The following MGST1 variants were observed in gnomAD, a reference collection of about 807,000 sequenced individuals.
MGST1 encodes the protein glutathione S-transferase 12.
MGST1 carries 5 observed loss-of-function variants against 8.9 expected under a neutral mutation model. The ratio of observed to expected loss-of-function variants is 0.56; its 90% CI spans 0.29 to 1.19. MGST1 has a LOEUF of 1.19. Ranked by LOEUF, MGST1 falls within the 50% of genes most tolerant of loss-of-function variation. The pLI is 0.08. For synonymous variants in MGST1, 54 were observed against 67.8 expected (o/e 0.80, Z 1.00); for missense variants, 182 against 187.4 (o/e 0.97, Z 0.17).
At chr12:16,381,860 T>G (rs1261326358), downstream of MGST1, among the ~76,000 whole-genome samples, 4 of 152,192 alleles carry the variant, frequency 2.6e-5, no homozygotes, top group Non-Finnish European at 4.4e-5. Flanking sequence ...TTCTCTAAAC[T>G]TCTCTTCTCG....
chr12:16,514,499 C>A, intron 4 of MGST1: 1 of 259,848 alleles, frequency 3.8e-6, no homozygotes, highest in South Asian at 4.4e-5. Flanking sequence ...GGCCACACAT[C>A]ACTGCCCAAA....
Position 16,522,586 on chromosome 12 carries a change from C to T in MGST1, n.483-66942C>T, listed in dbSNP as rs182926302. On this transcript the variant is annotated intron_variant and non_coding_transcript_variant, in intron 4 of 4. Transcript: ENST00000538857. ...CAGCTTCATCTATTCTTCCTTGTTTCCTGACTCCATGGCTTGATGAAGTGC... is the reference window on the plus strand; with the variant it reads ...CAGCTTCATCTATTCTTCCTTGTTTTCTGACTCCATGGCTTGATGAAGTGC... Among the ~76,000 whole-genome samples, 164 of 152,162 alleles carry T rather than the reference C, an allele frequency of 1.1e-3. 1 individual carries two copies. The Middle Eastern group carries it at 0.027, about 25-fold the overall frequency.
intron 4 of MGST1, among the ~76,000 whole-genome samples, chr12:16,526,103 A>G (rs1202933060): frequency 1.4e-5 from 2 of 145,836 alleles, no homozygotes; most frequent in Non-Finnish European, 3.0e-5. Flanking sequence ...TTGCCTGTTC[A>G]CTCTGATGGT....
intron 4 of MGST1, among the ~76,000 whole-genome samples, chr12:16,531,258 T>G (rs1941721352): frequency 6.6e-6 from 1 of 150,972 alleles, no homozygotes; most frequent in South Asian, 2.1e-4. Context: ...AAAACAAATT[T>G]AACACTGAAA....
chr12:16,444,722 C>T (rs1941066044), intron 4 of MGST1, among the ~76,000 whole-genome samples: 1 of 151,854 alleles, frequency 6.6e-6, no homozygotes, highest in Non-Finnish European at 1.5e-5. Flanking sequence ...TTCTGGACAA[C>T]CTGCTCATGC....
intron 4 of MGST1, among the ~76,000 whole-genome samples, chr12:16,455,648 G>A (rs1404688491): frequency 6.6e-6 from 1 of 151,834 alleles, no homozygotes; most frequent in East Asian, 1.9e-4. Flanking sequence ...ATCTATGCCT[G>A]AGCATGGATA....
intron 1 of MGST1, among the ~76,000 whole-genome samples, chr12:16,349,743 CTT>C (rs760899357): frequency 1.3e-4 from 16 of 127,372 alleles, no homozygotes; most frequent in Admixed American, 3.2e-4. Flanking sequence ...CCCAGAGCTT[CTT>C]TTTTTTTTTT....
chr12:16,551,435 C>A, intron 4 of MGST1: 1 of 678,708 alleles, frequency 1.5e-6, no homozygotes, highest in East Asian at 2.7e-5. Flanking sequence ...TTCCCTGAAT[C>A]TGAAAACCTG....
At chr12:16,483,889 A>G (rs970493382) in intron 4 of MGST1, among the ~76,000 whole-genome samples, 6 of 152,188 alleles carry the variant, frequency 3.9e-5, no homozygotes, top group African/African-American at 1.2e-4. Flanking sequence ...TACACATAAA[A>G]TGCACAGTAC....
rs1565472388 is a variant in MGST1, at chr12:16,544,265, A to AC, written n.483-45263_483-45262insC. ...ACACACACACACACACACACACACA[A>AC]AACATAACCTACTAGTCAATCTGCC... On this transcript the variant is annotated intron_variant and non_coding_transcript_variant, in intron 4 of 4. Transcript: ENST00000538857. The surrounding 1 kb of genome is among the most constrained non-coding windows in gnomAD (Gnocchi z 4.8). Among the ~76,000 whole-genome samples the AC allele has an allele frequency of 2.8e-5, 3 of 107,540 alleles. No individual in the cohort carries two copies. Among genetic ancestry groups the AC allele is most frequent in the African/African-American group, 4.3e-5 (1 of 23,236 alleles). 70.6% of individuals were successfully genotyped at this position (107,540 alleles called of 152,430 possible).
At chr12:16,378,201 T>G (rs910438340), downstream of MGST1, among the ~76,000 whole-genome samples, 5 of 152,196 alleles carry the variant, frequency 3.3e-5, no homozygotes, top group African/African-American at 1.2e-4. Context: ...TTTTTGTGTT[T>G]TAGACATGAA....
rs1445828133 is a variant in MGST1 at position 16,482,508 on chromosome 12, G to A, written n.482+98904G>A. On this transcript the variant is annotated intron_variant and non_coding_transcript_variant, in intron 4 of 4. Transcript: ENST00000538857. The surrounding 1 kb of genome is among the most constrained non-coding windows in gnomAD (Gnocchi z 4.2). ...TAGCCAGGCGCAGTGGCAGGCGCCT[G>A]TAATCCTAGCTACTCGGGAGGCCGA... Among the ~76,000 whole-genome samples the A allele has an allele frequency of 6.6e-6, 1 of 152,064 alleles. No homozygotes were observed. Among genetic ancestry groups the A allele is most frequent in the Non-Finnish European group, 1.5e-5 (1 of 67,994 alleles).
At chr12:16,399,431 C>G in intron 1 of MGST1, 1 of 1,535,260 alleles carries the variant, frequency 6.5e-7, no homozygotes, top group Non-Finnish European at 9.0e-7. Context: ...TTTCTTGGTC[C>G]GCTTTTCGGG....
At chr12:16,402,964 TA>T (rs1439787193) in intron 1 of MGST1, among the ~76,000 whole-genome samples, 1 of 146,916 alleles carries the variant, frequency 6.8e-6, no homozygotes, top group Admixed American at 6.9e-5. Flanking sequence ...TCTATATATT[TA>T]TTATTATTAA....
intron 1 of MGST1, among the ~76,000 whole-genome samples, chr12:16,390,455 C>T (rs1940541795): frequency 6.6e-6 from 1 of 152,158 alleles, no homozygotes; most frequent in South Asian, 2.1e-4. Context: ...TGCCACCCTC[C>T]ACCCTCAAGT....
intron 1 of MGST1, among the ~76,000 whole-genome samples, chr12:16,426,534 A>G (rs1005246569): frequency 6.6e-6 from 1 of 152,208 alleles, no homozygotes; most frequent in African/African-American, 2.4e-5. Flanking sequence ...CATCCAATAA[A>G]TATTTACTGA....
intron 1 of MGST1, among the ~76,000 whole-genome samples, chr12:16,424,050 ATG>A (rs1203614482): frequency 6.6e-6 from 1 of 152,216 alleles, no homozygotes; most frequent in Non-Finnish European, 1.5e-5. Context: ...TTTTATGGCT[ATG>A]TGTCTTTCTC....
intron 1 of MGST1, among the ~76,000 whole-genome samples, chr12:16,419,281 G>C (rs1180880591): frequency 2.6e-5 from 4 of 152,090 alleles, no homozygotes; most frequent in Non-Finnish European, 5.9e-5. Flanking sequence ...TAAAATACAA[G>C]CTCCTGTGGG....
intron 4 of MGST1, among the ~76,000 whole-genome samples, chr12:16,516,896 A>T (rs1283661191): frequency 6.6e-6 from 1 of 152,158 alleles, no homozygotes; most frequent in Non-Finnish European, 1.5e-5. Context: ...CAATCTATCA[A>T]ATACTTTCAG....
Sources: gnomAD v4.1 joint callset for allele counts (sites outside exome capture counted in the v4.1 genomes callset) on GRCh38, gnomAD v4.1.1 for gene constraint, Gnocchi (gnomAD v3.1) non-coding constraint, MANE v1.5 for transcripts, NCBI Gene and HGNC (gene_info 2026-07-23, HGNC 2026-07-21) for gene names.